MELK: variants seen among roughly 807,000 people sequenced by gnomAD.
The protein encoded by MELK is pEg3 kinase.
MELK carries 81 observed loss-of-function variants against 85.0 expected under a neutral mutation model. That is an observed-to-expected ratio of 0.95 (90% CI 0.80 to 1.15). The LOEUF is 1.15. Ranked by LOEUF, MELK falls within the 50% of genes most tolerant of loss-of-function variation. The pLI, the probability that MELK is intolerant of heterozygous loss-of-function variation, is 0.00. For synonymous variants in MELK, 252 were observed against 265.0 expected (o/e 0.95, Z 0.48); for missense variants, 754 against 777.5 (o/e 0.97, Z 0.36).
chr9:36,599,300 CAAAAAAAAAA>C (rs34715003), intron 6 of MELK, 84 bp from the exon 7 acceptor site: 582 of 379,014 alleles, frequency 1.5e-3, no homozygotes, highest in South Asian at 3.2e-3. Flanking sequence ...GACTCCGTCT[CAAAAAAAAAA>C]AAAAAAAAAA....
At chr9:36,665,048 G>T (rs1832202629) in intron 13 of MELK, among the ~76,000 whole-genome samples, 1 of 152,096 alleles carries the variant, frequency 6.6e-6, no homozygotes, top group African/African-American at 2.4e-5. Flanking sequence ...TGACTATCTA[G>T]GTATGGAAAG....
At chr9:36,620,203 A>G (rs1292175794) in intron 8 of MELK, among the ~76,000 whole-genome samples, 3 of 152,196 alleles carry the variant, frequency 2.0e-5, no homozygotes, top group Non-Finnish European at 4.4e-5. Context: ...GTTGCTAGTC[A>G]CCTAAGAATC....
chr9:36,587,610 G>A (rs1587337203), intron 3 of MELK, among the ~76,000 whole-genome samples: 1 of 146,372 alleles, frequency 6.8e-6, no homozygotes, highest in African/African-American at 2.6e-5. Context: ...CCACTGTAGA[G>A]CCCCCCCGCC....
At chr9:36,599,300 C>CAAAAAAA (rs34715003) in intron 6 of MELK, 94 bp from the exon 7 acceptor site, 14 of 379,382 alleles carry the variant, frequency 3.7e-5, no homozygotes, top group East Asian at 2.1e-4. Flanking sequence ...GACTCCGTCT[C>CAAAAAAA]AAAAAAAAAA....
intron 9 of MELK, among the ~76,000 whole-genome samples, 154 bp downstream of exon 9, chr9:36,630,521 G>T (rs1185594082): frequency 6.6e-6 from 1 of 150,924 alleles, no homozygotes; most frequent in Non-Finnish European, 1.5e-5. Context: ...TCTTAATTAT[G>T]TTGTAAACCT....
chr9:36,614,061 G>T (rs188167279), intron 8 of MELK, among the ~76,000 whole-genome samples: 127 of 152,002 alleles, frequency 8.4e-4, no homozygotes, highest in Middle Eastern at 6.8e-3. Flanking sequence ...AGAGATGGTG[G>T]CAGTGGAGGT....
At chr9:36,581,974 C>CT (rs11323657) in intron 2 of MELK, among the ~76,000 whole-genome samples, 45 of 147,954 alleles carry the variant, frequency 3.0e-4, no homozygotes, top group East Asian at 3.9e-4. Flanking sequence ...TCTTTTATTT[C>CT]TTTTTTTTTT....
intron 10 of MELK, among the ~76,000 whole-genome samples, chr9:36,636,810 T>TTCTG (rs1829251410): frequency 9.5e-6 from 1 of 105,584 alleles, no homozygotes; most frequent in African/African-American, 4.2e-5. Context: ...CTTTCTGTCT[T>TTCTG]TCTTTCTTTC....
At chr9:36,665,675 C>T (rs1157014809) in intron 14 of MELK, 94 bp downstream of exon 14, 1 of 891,156 alleles carries the variant, frequency 1.1e-6, no homozygotes, top group Non-Finnish European at 1.6e-6. Context: ...GCATTGCTTT[C>T]AGGAATTTCT....
At chr9:36,583,289 G>C (rs936097571) in intron 2 of MELK, among the ~76,000 whole-genome samples, 1 of 152,004 alleles carries the variant, frequency 6.6e-6, no homozygotes, top group African/African-American at 2.4e-5. Flanking sequence ...ATTTAAAACT[G>C]AGTGGAAGTT....
intron 11 of MELK, among the ~76,000 whole-genome samples, chr9:36,649,240 A>T (rs536564430): frequency 7.9e-5 from 12 of 152,312 alleles, no homozygotes; most frequent in African/African-American, 2.9e-4. Flanking sequence ...TAATCCCAGC[A>T]CTTTGGGAGG....
chr9:36,655,453 GGAGAGAGA>G (rs66684364), intron 12 of MELK, among the ~76,000 whole-genome samples: 8 of 147,690 alleles, frequency 5.4e-5, no homozygotes, highest in African/African-American at 1.7e-4. Context: ...TCAAGTAGGG[GGAGAGAGA>G]GAGAGAGAGA....
intron 1 of MELK, among the ~76,000 whole-genome samples, chr9:36,577,186 C>CGTGG (rs1340156638): frequency 1.3e-5 from 2 of 152,086 alleles, no homozygotes; most frequent in Admixed American, 1.3e-4. Context: ...AGGTAGTTTA[C>CGTGG]GTGGCACCTG....
rs369069141 is a variant in MELK, at chr9:36,592,043, G to T, written c.261+2391G>T. On this transcript the variant is annotated intron_variant, in intron 4 of 17. Transcript: ENST00000298048. ...TTATTATATTGTTAATAGAAATGGGGGTCTTGGCCTGTTGCCCAAGCTGGT... is the reference window on the plus strand; with the variant it reads ...TTATTATATTGTTAATAGAAATGGGTGTCTTGGCCTGTTGCCCAAGCTGGT... Among the ~76,000 whole-genome samples, 45 of 152,150 alleles carry T rather than the reference G, an allele frequency of 3.0e-4. No homozygotes were observed. The East Asian group carries it at 8.3e-3, about 28-fold the overall frequency.
At chr9:36,594,334 T>C (rs1823950692) in intron 4 of MELK, among the ~76,000 whole-genome samples, 2 of 152,218 alleles carry the variant, frequency 1.3e-5, no homozygotes, top group African/African-American at 4.8e-5. Context: ...TTTAATACTT[T>C]GCTATAAAAA....
At chr9:36,633,338 A>AGGAACCACTGTCCATTAGG in intron 10 of MELK, 138 bp downstream of exon 10, 1 of 607,276 alleles carries the variant, frequency 1.6e-6, no homozygotes, top group Non-Finnish European at 2.8e-6. Context: ...TTGTAACCTA[A>AGGAACCACTGTCCATTAGG]TGGACAGTGG....
At chr9:36,598,976 C>G (rs933644841) in intron 6 of MELK, among the ~76,000 whole-genome samples, 8 of 152,106 alleles carry the variant, frequency 5.3e-5, no homozygotes, top group Non-Finnish European at 1.2e-4. Flanking sequence ...GGTTTTTCAT[C>G]TAGCTTCTCT....
chr9:36,606,469 A>G (rs1173889055), intron 7 of MELK, among the ~76,000 whole-genome samples: 1 of 140,694 alleles, frequency 7.1e-6, no homozygotes, highest in Non-Finnish European at 1.5e-5. Context: ...ATAGGTGTGT[A>G]TATATATACA....
intron 10 of MELK, among the ~76,000 whole-genome samples, chr9:36,640,249 A>G (rs1829635987): frequency 6.6e-6 from 1 of 152,184 alleles, no homozygotes; most frequent in Admixed American, 6.5e-5. Context: ...GGGAAGTTCA[A>G]GATCAAGGCA....
Sources: allele counts gnomAD v4.1 joint callset (sites outside exome capture counted in the v4.1 genomes callset), GRCh38; gene constraint gnomAD v4.1.1; transcripts MANE v1.5; gene names NCBI Gene and HGNC (gene_info 2026-07-23, HGNC 2026-07-21).